CAST: variants seen among roughly 807,000 people sequenced by gnomAD.
The protein encoded by CAST is MIR583 host.
Under a neutral mutation model 119.6 loss-of-function variants are expected in CAST, and 76 were observed. The ratio of observed to expected loss-of-function variants is 0.64; its 90% confidence interval spans 0.53 to 0.77. The LOEUF (loss-of-function observed/expected upper bound fraction) is 0.77, where lower values mean the gene tolerates loss of function less well. Among genes scored for constraint, CAST ranks in the 30% least tolerant of loss-of-function variants. CAST has a pLI of 0.00. For synonymous variants in CAST, 319 were observed against 331.6 expected, an observed-to-expected ratio of 0.96 and a Z score of 0.41; for missense variants, 953 against 946.5, an observed-to-expected ratio of 1.01 and a Z score of -0.09.
rs192527807 is a variant in CAST at position 96,544,984 on chromosome 5, T to C, written c.60+15104T>C. ...ATATTAATTTAAAAGAAAGGAGACT[T>C]CAGAACAATTAAGATTATTAATGAC... On this transcript the variant is annotated intron_variant, in intron 1 of 11. Coordinates refer to the CAST transcript ENST00000505143. Among the ~76,000 whole-genome samples, 125 of 152,236 alleles carry C rather than the reference T, an allele frequency of 8.2e-4. 1 individual carries two copies. Among genetic ancestry groups the C allele is most frequent in the African/African-American group, 2.9e-3 (120 of 41,546 alleles).
the CAST span, among the ~76,000 whole-genome samples, chr5:96,001,432 A>C: frequency 6.6e-6 from 1 of 152,224 alleles, no homozygotes; most frequent in Non-Finnish European, 1.5e-5. Flanking sequence ...GAGAATTCAC[A>C]TGTCAGACAT....
the CAST span, among the ~76,000 whole-genome samples, chr5:96,243,890 A>G: frequency 1.3e-5 from 2 of 152,226 alleles, no homozygotes; most frequent in Non-Finnish European, 2.9e-5. Context: ...AGCCATACCT[A>G]TGAGAGTGTT....
intron 9 of CAST, among the ~76,000 whole-genome samples, chr5:96,733,802 G>A (rs771651510): frequency 2.6e-5 from 4 of 152,130 alleles, no homozygotes; most frequent in African/African-American, 7.2e-5. Context: ...GCTTGAACCC[G>A]GGAGGCAGAG....
chr5:96,535,605 G>C (rs1381171439), intron 1 of CAST, among the ~76,000 whole-genome samples: 1 of 118,290 alleles, frequency 8.5e-6, no homozygotes, highest in Non-Finnish European at 1.6e-5. Context: ...ACGGAGTCTC[G>C]CTCTGTCGCC....
chr5:96,627,421 T>C (rs1452382226), intron 1 of CAST, among the ~76,000 whole-genome samples: 2 of 152,218 alleles, frequency 1.3e-5, no homozygotes, highest in Non-Finnish European at 2.9e-5. Context: ...ACCATGATCA[T>C]GACCTTTTAT....
chr5:96,571,801 A>G (rs1206730230), intron 1 of CAST, among the ~76,000 whole-genome samples: 2 of 152,178 alleles, frequency 1.3e-5, no homozygotes, highest in Admixed American at 6.5e-5. Context: ...ATTATAACGC[A>G]TGCTTATCCA....
At chr5:96,167,522 G>GT in the CAST span, among the ~76,000 whole-genome samples, 1 of 152,328 alleles carries the variant, frequency 6.6e-6, no homozygotes, top group Non-Finnish European at 1.5e-5. Context: ...AAGGGCAAGT[G>GT]GTAAAAGTAT....
At chr5:96,342,677 A>G in the CAST span, among the ~76,000 whole-genome samples, 1 of 152,232 alleles carries the variant, frequency 6.6e-6, no homozygotes, top group Non-Finnish European at 1.5e-5. Context: ...GCAAGCTAGC[A>G]TAGATTGGTT....
chr5:96,771,657 C>CT lies in CAST; in HGVS notation c.2356dup (p.Ser786PhefsTer6). The CT allele has an allele frequency of 6.2e-7, 1 of 1,612,174 alleles. No homozygotes were observed. Among genetic ancestry groups the CT allele is most frequent in the Non-Finnish European group, 8.5e-7 (1 of 1,178,680 alleles). ...TTTCCCTTTTAGACAACAGAGGAAA[C>CT]TTCCAAGCCAAAAGATGACTAAAGA... On this transcript the variant is annotated frameshift_variant, in exon 31 of 32. Coordinates refer to ENST00000675179, the MANE Select transcript of CAST (RefSeq NM_001750.7). LOFTEE classifies it high-confidence loss of function.
At chr5:96,556,200 C>A (rs973251648) in intron 1 of CAST, among the ~76,000 whole-genome samples, 2 of 152,076 alleles carry the variant, frequency 1.3e-5, no homozygotes, top group Non-Finnish European at 2.9e-5. Context: ...CACACCAAAA[C>A]CCCATCTGTA....
At chr5:96,204,342 T>G in the CAST span, among the ~76,000 whole-genome samples, 1 of 152,032 alleles carries the variant, frequency 6.6e-6, no homozygotes, top group Non-Finnish European at 1.5e-5. Context: ...ACCACACAGC[T>G]ATCTCTGTTG....
chr5:96,476,458 C>G, the CAST span, among the ~76,000 whole-genome samples: 1 of 152,090 alleles, frequency 6.6e-6, no homozygotes, highest in African/African-American at 2.4e-5. Flanking sequence ...TAAAGTGATA[C>G]TAGGAATTAT....
At chr5:96,690,898 C>A (rs1036121157) in intron 2 of CAST, among the ~76,000 whole-genome samples, 1 of 152,278 alleles carries the variant, frequency 6.6e-6, no homozygotes, top group Non-Finnish European at 1.5e-5. Flanking sequence ...AGATTCTTAA[C>A]AAATATGTCA....
At chr5:96,491,330 CA>C in the CAST span, among the ~76,000 whole-genome samples, 2 of 144,784 alleles carry the variant, frequency 1.4e-5, no homozygotes, top group African/African-American at 5.0e-5. Context: ...CTAAAAAATA[CA>C]AAAAAAAAAC....
At chr5:96,654,320 C>T (rs578238994) in intron 1 of CAST, among the ~76,000 whole-genome samples, 5 of 152,180 alleles carry the variant, frequency 3.3e-5, no homozygotes, top group Middle Eastern at 6.8e-3. Flanking sequence ...CCACCGCACC[C>T]GGCCCATTTT....
the CAST span, among the ~76,000 whole-genome samples, chr5:96,061,934 C>G: frequency 2.5e-3 from 383 of 152,246 alleles, no homozygotes; most frequent in Non-Finnish European, 4.1e-3. Flanking sequence ...TAGCTGACAT[C>G]AGCTAATCTC....
At chr5:96,297,507 A>G in the CAST span, among the ~76,000 whole-genome samples, 1 of 152,090 alleles carries the variant, frequency 6.6e-6, no homozygotes, top group Non-Finnish European at 1.5e-5. Context: ...CCCAACCTAG[A>G]TGCTTGACAT....
At chr5:96,757,363 C>A (rs2150625317) in intron 22 of CAST, 81 bp from the exon 23 acceptor site, 2 of 1,229,364 alleles carry the variant, frequency 1.6e-6, no homozygotes, top group Admixed American at 1.7e-5. Flanking sequence ...AACCTGTAGA[C>A]CCTTTGTAAT....
chr5:96,020,095 C>G, the CAST span, among the ~76,000 whole-genome samples: 6 of 152,060 alleles, frequency 3.9e-5, no homozygotes, highest in Non-Finnish European at 7.3e-5. Context: ...TATAAAGAAA[C>G]TAAGGCTGCA....
Sources: gnomAD v4.1 joint callset for allele counts (sites outside exome capture counted in the v4.1 genomes callset) on GRCh38, gnomAD v4.1.1 for gene constraint, MANE v1.5 for transcripts, NCBI Gene and HGNC (gene_info 2026-07-23, HGNC 2026-07-21) for gene names.